SDK1: variants seen among roughly 807,000 people sequenced by gnomAD.
SDK1 encodes sidekick cell adhesion molecule 1, also known as protein sidekick-1.
In SDK1, 157 loss-of-function variants were observed where a neutral mutation model predicts 245.5. That is an observed-to-expected ratio of 0.64 (90% confidence interval 0.56 to 0.73). The LOEUF is 0.73. Among genes scored for constraint, SDK1 ranks in the 30% least tolerant of loss-of-function variants. SDK1 has a pLI of 0.00. For missense variants in SDK1, 3,583 were observed against 3,002.3 expected, an observed-to-expected ratio of 1.19 and a Z score of -4.52; for synonymous variants, 1,647 against 1,278.5, an observed-to-expected ratio of 1.29 and a Z score of -6.15.
intron 1 of SDK1, among the ~76,000 whole-genome samples, chr7:3,406,984 T>G (rs1295887896): frequency 6.7e-6 from 1 of 150,264 alleles, no homozygotes; most frequent in East Asian, 1.9e-4. Context: ...TAAACTAGAG[T>G]GGATGAGGCA....
At chr7:3,740,585 AT>A (rs1308066975) in intron 4 of SDK1, among the ~76,000 whole-genome samples, 1 of 152,170 alleles carries the variant, frequency 6.6e-6, no homozygotes, top group Non-Finnish European at 1.5e-5. Context: ...TATCTGTACT[AT>A]CCCCCTTAGT....
intron 5 of SDK1, among the ~76,000 whole-genome samples, chr7:3,829,014 C>T (rs1316388068): frequency 1.3e-5 from 2 of 151,978 alleles, no homozygotes; most frequent in African/African-American, 2.4e-5. Flanking sequence ...TAATACAATT[C>T]TTTGAATCAT....
chr7:3,364,299 T>C (rs1325608064), intron 1 of SDK1, among the ~76,000 whole-genome samples: 3 of 152,208 alleles, frequency 2.0e-5, no homozygotes, highest in Non-Finnish European at 2.9e-5. Flanking sequence ...TGAAGTCAGA[T>C]TGATAAGTTT....
chr7:3,655,033 G>C (rs1214284296), intron 4 of SDK1, among the ~76,000 whole-genome samples: 2 of 139,070 alleles, frequency 1.4e-5, no homozygotes, highest in African/African-American at 5.5e-5. Context: ...GAATGTGTTA[G>C]TTGAATCATA....
At chr7:3,590,126 A>T (rs924509849) in intron 1 of SDK1, among the ~76,000 whole-genome samples, 2 of 152,168 alleles carry the variant, frequency 1.3e-5, no homozygotes, top group African/African-American at 4.8e-5. Flanking sequence ...GGAAAACTAA[A>T]ATTGGAATGT....
At chr7:3,406,860 A>G (rs756317247) in intron 1 of SDK1, among the ~76,000 whole-genome samples, 38 of 152,186 alleles carry the variant, frequency 2.5e-4, no homozygotes, top group African/African-American at 7.2e-5. Context: ...AGGAGTTTCT[A>G]TTTTATAAGA....
At chr7:3,735,223 C>T (rs1021459575) in intron 4 of SDK1, among the ~76,000 whole-genome samples, 1 of 151,986 alleles carries the variant, frequency 6.6e-6, no homozygotes, top group Non-Finnish European at 1.5e-5. Context: ...ATATATAATT[C>T]AATAGTGTTA....
In SDK1 at chr7:3,955,574, G is replaced by T. The variant is rs570424768; in HGVS notation, c.1151-3357G>T. On this transcript the variant is annotated intron_variant, in intron 7 of 44. Coordinates refer to ENST00000404826, the MANE Select transcript of SDK1 (RefSeq NM_152744.4). ...TCTGTCCACCTCGGTGGACTAGCGT[G>T]CAGTGCAGGCCAGCCGAGGGCATGC... Among the ~76,000 whole-genome samples, 88 of 152,322 alleles carry T rather than the reference G, an allele frequency of 5.8e-4. 1 individual carries two copies. The highest frequency in any genetic ancestry group is 1.1e-3 in the Non-Finnish European group (74 of 68,026).
chr7:3,529,977 A>G (rs1783284957), intron 1 of SDK1, among the ~76,000 whole-genome samples: 2 of 152,192 alleles, frequency 1.3e-5, no homozygotes, highest in African/African-American at 4.8e-5. Flanking sequence ...CTATTATGTG[A>G]TAAGTACCTT....
intron 1 of SDK1, among the ~76,000 whole-genome samples, chr7:3,345,343 AAG>A (rs1780464554): frequency 6.6e-6 from 1 of 152,232 alleles, no homozygotes; most frequent in Non-Finnish European, 1.5e-5. Context: ...AGGAAACAAA[AAG>A]AGACTGAACT....
intron 38 of SDK1, among the ~76,000 whole-genome samples, chr7:4,216,142 G>A (rs1784782106): frequency 1.3e-5 from 2 of 152,230 alleles, no homozygotes; most frequent in Admixed American, 1.3e-4. Context: ...GCTGGGGAAG[G>A]GAGGACGTGA....
intron 14 of SDK1, among the ~76,000 whole-genome samples, chr7:4,000,434 G>C (rs543345411): frequency 7.9e-5 from 12 of 152,158 alleles, no homozygotes; most frequent in Non-Finnish European, 1.6e-4. Context: ...GAGTCCCAGT[G>C]CCTCTCCTGA....
chr7:3,432,140 T>A (rs1387738979), intron 1 of SDK1, among the ~76,000 whole-genome samples: 1 of 148,376 alleles, frequency 6.7e-6, no homozygotes, highest in East Asian at 1.9e-4. Flanking sequence ...TATATGTATT[T>A]TATATTTAAA....
intron 1 of SDK1, among the ~76,000 whole-genome samples, chr7:3,377,662 G>T (rs984959444): frequency 6.6e-6 from 1 of 152,124 alleles, no homozygotes; most frequent in Non-Finnish European, 1.5e-5. Context: ...GCTCTCCACA[G>T]AGAACTCATC....
At chr7:3,323,840 T>C (rs1036726334) in intron 1 of SDK1, among the ~76,000 whole-genome samples, 4 of 152,210 alleles carry the variant, frequency 2.6e-5, no homozygotes, top group African/African-American at 9.6e-5. Context: ...TTTTGAATTC[T>C]GCCTAGCACA....
Position 4,266,539 on chromosome 7 carries a change from G to C in SDK1, c.*1155G>C. 1.0e-6 allele frequency: 1 copy of C among 984,674 alleles called. No homozygotes were observed. The highest frequency in any genetic ancestry group is 1.2e-6 in the Non-Finnish European group (1 of 829,840). The allele number at this position is 984,674 out of a possible 1,614,324, so 61.0% of individuals were successfully genotyped here. A position where few individuals can be genotyped will look rare whatever the true frequency, so the allele number is the denominator to read the frequency against. ...TGCCCCCTCTCCCAGTCCGAGGCCA[G>C]CTTTTAGCCTTAACAGGTTTTTTGG... On this transcript the variant is annotated 3_prime_UTR_variant, in exon 45 of 45. Coordinates refer to ENST00000404826, the MANE Select transcript of SDK1 (RefSeq NM_152744.4).
intron 1 of SDK1, among the ~76,000 whole-genome samples, chr7:3,573,272 G>A (rs1455243600): frequency 1.3e-5 from 2 of 152,148 alleles, no homozygotes; most frequent in African/African-American, 2.4e-5. Context: ...GGCTGGAGCT[G>A]AGCAAGGGAC....
At position 4,242,919 on chromosome 7, in the gene SDK1, T is replaced by C. The variant is rs139963674; in HGVS notation, c.6251+1006T>C. Among the ~76,000 whole-genome samples the C allele has an allele frequency of 3.9e-5, 6 of 152,324 alleles. No individual in the cohort carries two copies. The East Asian group carries it at 1.2e-3, about 29-fold the overall frequency. ...TGGGCCTTCTCCCAGCCACTGACGCTCTGCCAGCCCCACAGGTGCCAGTCC... is the reference window on the plus strand; with the variant it reads ...TGGGCCTTCTCCCAGCCACTGACGCCCTGCCAGCCCCACAGGTGCCAGTCC... On this transcript the variant is annotated intron_variant, in intron 43 of 44. Coordinates refer to ENST00000404826, the MANE Select transcript of SDK1 (RefSeq NM_152744.4).
At chr7:3,642,470 C>A (rs146032449) in intron 4 of SDK1, among the ~76,000 whole-genome samples, 1 of 152,262 alleles carries the variant, frequency 6.6e-6, no homozygotes, top group South Asian at 2.1e-4. Context: ...TATTTACTTA[C>A]AGTGCTGTGG....
Sources: gnomAD v4.1 joint callset for allele counts (sites outside exome capture counted in the v4.1 genomes callset) on GRCh38, gnomAD v4.1.1 for gene constraint, MANE v1.5 for transcripts, NCBI Gene and HGNC (gene_info 2026-07-23, HGNC 2026-07-21) for gene names.